Variants in MCFD2 observed in about 807,000 individuals in gnomAD.
The protein encoded by MCFD2 is multiple coagulation factor deficiency 2, ER cargo receptor complex subunit.
MCFD2 carries 11 observed loss-of-function variants against 12.8 expected under a neutral mutation model. That is an observed-to-expected ratio of 0.86 (90% CI 0.54 to 1.42). The LOEUF (loss-of-function observed/expected upper bound fraction) is 1.42. MCFD2 is among the 40% of genes most tolerant of loss of function. MCFD2 has a pLI of 0.00. For synonymous variants in MCFD2, 70 were observed against 68.1 expected (o/e 1.03, Z -0.14); for missense variants, 191 against 178.6 (o/e 1.07, Z -0.40).
At chr2:46,928,657 C>G (rs1437277722) in intron 1 of MCFD2, among the ~76,000 whole-genome samples, 1 of 151,820 alleles carries the variant, frequency 6.6e-6, no homozygotes, top group Non-Finnish European at 1.5e-5. Flanking sequence ...GTGGTCCCAG[C>G]TGTTTGGGAG....
intron 1 of MCFD2, among the ~76,000 whole-genome samples, chr2:46,929,756 T>C (rs1033433728): frequency 2.6e-5 from 4 of 152,238 alleles, no homozygotes; most frequent in African/African-American, 9.6e-5. Context: ...TATATTATTA[T>C]TCACAAAGAT....
chr2:46,932,522 C>G (rs892587695), intron 1 of MCFD2, among the ~76,000 whole-genome samples: 4 of 152,012 alleles, frequency 2.6e-5, no homozygotes, highest in African/African-American at 7.2e-5. Flanking sequence ...TATGCACTTT[C>G]TTTTGTGTTA....
intron 1 of MCFD2, among the ~76,000 whole-genome samples, chr2:46,922,639 C>T (rs1280593677): frequency 6.6e-6 from 1 of 152,102 alleles, no homozygotes; most frequent in Non-Finnish European, 1.5e-5. Flanking sequence ...GTACTTCAAT[C>T]CCTGAAGGTG....
chr2:46,922,567 A>G (rs1222885362), intron 1 of MCFD2, among the ~76,000 whole-genome samples: 1 of 152,202 alleles, frequency 6.6e-6, no homozygotes, highest in Non-Finnish European at 1.5e-5. Context: ...GGGCAAGGCC[A>G]AGATATACAG....
At chr2:46,911,787 G>A (rs888776831) in intron 1 of MCFD2, among the ~76,000 whole-genome samples, 7 of 152,124 alleles carry the variant, frequency 4.6e-5, no homozygotes, top group Admixed American at 1.3e-4. Flanking sequence ...TTAGCCAGGC[G>A]TGGTGGCGGG....
chr2:46,902,205 G>A lies in MCFD2; in HGVS notation c.*3258C>T, dbSNP rs1668042625. On this transcript the variant is annotated 3_prime_UTR_variant, in exon 4 of 4. Coordinates refer to ENST00000319466, the MANE Select transcript of MCFD2 (RefSeq NM_139279.6). ...TTCAAATACTATAAAGATTCACACT[G>A]TTAAAGGGTTTTTTGGGTTCCTTTT... 1 of 152,590 alleles carries A rather than the reference G, an allele frequency of 6.6e-6. No individual in the cohort carries two copies. The highest frequency in any genetic ancestry group is 1.5e-5 in the Non-Finnish European group (1 of 68,034). The allele number at this position is 152,590 out of a possible 1,614,324, so 9.5% of individuals were successfully genotyped here.
intron 1 of MCFD2, among the ~76,000 whole-genome samples, chr2:46,910,606 G>T (rs1668445612): frequency 6.6e-6 from 1 of 152,150 alleles, no homozygotes; most frequent in Admixed American, 6.5e-5. Flanking sequence ...ATCCTAAAAG[G>T]CTCTCAGGGC....
At chr2:46,926,990 A>G (rs1450578486) in intron 1 of MCFD2, among the ~76,000 whole-genome samples, 1 of 152,134 alleles carries the variant, frequency 6.6e-6, no homozygotes, top group African/African-American at 2.4e-5. Context: ...ATTGAACTAC[A>G]GTTTAGACAC....
chr2:46,906,084 G>A, intron 3 of MCFD2: 1 of 455,738 alleles, frequency 2.2e-6, no homozygotes. Flanking sequence ...TCTTTGAGGA[G>A]AAAGTATTTC....
At chr2:46,928,437 C>G (rs1225368469) in intron 1 of MCFD2, among the ~76,000 whole-genome samples, 1 of 141,898 alleles carries the variant, frequency 7.0e-6, no homozygotes, top group East Asian at 2.0e-4. Flanking sequence ...CTCTTTCAAG[C>G]TCAGGTGGTG....
chr2:46,923,367 T>C (rs1669206335), intron 1 of MCFD2, among the ~76,000 whole-genome samples: 1 of 152,150 alleles, frequency 6.6e-6, no homozygotes, highest in South Asian at 2.1e-4. Context: ...CTGAATTACC[T>C]GGGGGCTGCC....
Position 46,907,931 on chromosome 2 carries a change from GGTTT to G in MCFD2, c.184_187del (p.Lys62GlnfsTer29), listed in dbSNP as rs1668315474. Reference sequence around the variant, plus strand: ...TTCTTGTGGCGACATCTCCGCCTCTGGTTTGTTGATGACACCTTCTAGATGCTCC... The same window carrying G: ...TTCTTGTGGCGACATCTCCGCCTCTGGTTGATGACACCTTCTAGATGCTCC... On this transcript the variant is annotated frameshift_variant, in exon 3 of 4. Coordinates refer to ENST00000319466, the MANE Select transcript of MCFD2 (RefSeq NM_139279.6). LOFTEE classifies it high-confidence loss of function. This position sits in a 1 kb window ranked among gnomAD's most constrained non-coding sequence, Gnocchi z 4.1. The G allele has an allele frequency of 6.2e-7, 1 of 1,614,032 alleles. No homozygotes were observed. Among genetic ancestry groups the G allele is most frequent in the African/African-American group, 1.3e-5 (1 of 74,892 alleles).
intron 1 of MCFD2, among the ~76,000 whole-genome samples, chr2:46,931,362 A>C (rs1208807904): frequency 2.0e-5 from 3 of 152,276 alleles, no homozygotes; most frequent in African/African-American, 7.2e-5. Flanking sequence ...CTGGGCTTAC[A>C]GCCATAAGCC....
Position 46,908,804 on chromosome 2 carries a change from G to A in MCFD2, c.149+219C>T, listed in dbSNP as rs1314743689. 3.3e-6 allele frequency: 2 copies of A among 609,218 alleles called. No individual in the cohort carries two copies. Among genetic ancestry groups the A allele is most frequent in the African/African-American group, 1.8e-5 (1 of 54,206 alleles). The allele number at this position is 609,218 out of a possible 1,614,324, so 37.7% of individuals were successfully genotyped here. A position where few individuals can be genotyped will look rare whatever the true frequency, so the allele number is the denominator to read the frequency against. On this transcript the variant is annotated intron_variant, in intron 2 of 3. Coordinates refer to ENST00000319466, the MANE Select transcript of MCFD2 (RefSeq NM_139279.6). The surrounding 1 kb of genome is among the most constrained non-coding windows in gnomAD (Gnocchi z 4.5). Reference sequence around the variant, plus strand: ...GAGAGACCGGATTCAGACAAGTAATGTGCCCCATTTGGGCCTAAAGATCTT... The same window carrying A: ...GAGAGACCGGATTCAGACAAGTAATATGCCCCATTTGGGCCTAAAGATCTT...
intron 1 of MCFD2, among the ~76,000 whole-genome samples, chr2:46,927,254 T>C (rs1325437453): frequency 6.9e-6 from 1 of 145,274 alleles, no homozygotes; most frequent in Non-Finnish European, 1.5e-5. Flanking sequence ...GAGTGACAAA[T>C]CCCAAGCAAA....
At chr2:46,933,442 T>G (rs180733495) in intron 1 of MCFD2, among the ~76,000 whole-genome samples, 52 of 152,388 alleles carry the variant, frequency 3.4e-4, no homozygotes, top group Admixed American at 2.0e-3. Flanking sequence ...ATTCTGAAGC[T>G]TGCCTTTGTA....
chr2:46,908,181 G>T lies in MCFD2; in HGVS notation c.150-212C>A. On this transcript the variant is annotated intron_variant, in intron 2 of 3. Coordinates refer to ENST00000319466, the MANE Select transcript of MCFD2 (RefSeq NM_139279.6). The surrounding 1 kb of genome is among the most constrained non-coding windows in gnomAD (Gnocchi z 4.5). ...AATAGACCATCTGTTATGCTGGCAG[G>T]ATTAGGGTATTCTTTCCTCTTTATT... The T allele has an allele frequency of 1.6e-6, 1 of 608,870 alleles. No homozygotes were observed. 37.7% of individuals were successfully genotyped at this position (608,870 alleles called of 1,614,324 possible).
chr2:46,917,730 T>C (rs1443702735), upstream of MCFD2, among the ~76,000 whole-genome samples: 1 of 152,246 alleles, frequency 6.6e-6, no homozygotes, highest in African/African-American at 2.4e-5. Context: ...CCACTGAAAC[T>C]GCAATCTCCA....
At chr2:46,924,220 A>C (rs937114570) in intron 1 of MCFD2, among the ~76,000 whole-genome samples, 6 of 147,720 alleles carry the variant, frequency 4.1e-5, no homozygotes, top group Non-Finnish European at 7.5e-5. Flanking sequence ...AAAAAAAAAA[A>C]CCCAACTAAA....
Sources: allele counts gnomAD v4.1 joint callset (sites outside exome capture counted in the v4.1 genomes callset), GRCh38; gene constraint gnomAD v4.1.1; non-coding constraint Gnocchi (gnomAD v3.1); transcripts MANE v1.5; gene names NCBI Gene and HGNC (gene_info 2026-07-23, HGNC 2026-07-21).